Variants in CELF4 observed in about 807,000 individuals in gnomAD.
CELF4 encodes CUG-BP- and ETR-3-like factor 4.
CELF4 carries 18 observed loss-of-function variants against 59.9 expected under a neutral mutation model. The observed-to-expected ratio is 0.30, with a 90% CI of 0.21 to 0.45. The LOEUF (loss-of-function observed/expected upper bound fraction) is 0.45. Among genes scored for constraint, CELF4 ranks in the 20% least tolerant of loss-of-function variants. The pLI, the probability that CELF4 is intolerant of heterozygous loss-of-function variation, is 1.00. For missense variants in CELF4, 456 were observed against 689.0 expected, an observed-to-expected ratio of 0.66 and a Z score of 3.79; for synonymous variants, 261 against 267.1, an observed-to-expected ratio of 0.98 and a Z score of 0.22.
chr18:37,476,989 G>A (rs567435201), intron 2 of CELF4, among the ~76,000 whole-genome samples: 19 of 152,210 alleles, frequency 1.2e-4, no homozygotes, highest in Non-Finnish European at 2.5e-4. Context: ...ATGCACCCCC[G>A]CAGGGTGAGC....
chr18:37,294,625 C>T (rs1378217643), intron 3 of CELF4, among the ~76,000 whole-genome samples: 5 of 152,312 alleles, frequency 3.3e-5, no homozygotes, highest in African/African-American at 7.2e-5. Context: ...TCTTCAAGAT[C>T]GCCAGCCTGC....
At chr18:37,364,931 G>A (rs909908818) in intron 2 of CELF4, among the ~76,000 whole-genome samples, 12 of 152,170 alleles carry the variant, frequency 7.9e-5, no homozygotes, top group South Asian at 2.1e-4. Flanking sequence ...AGAGGAGGTA[G>A]GAGAGACGGA....
At chr18:37,401,006 C>A (rs1003362634) in intron 2 of CELF4, among the ~76,000 whole-genome samples, 3 of 152,130 alleles carry the variant, frequency 2.0e-5, no homozygotes, top group African/African-American at 7.2e-5. Context: ...CTGGCAGGGG[C>A]CCTGGGGGCT....
chr18:37,541,981 G>A (rs558515924), intron 1 of CELF4, among the ~76,000 whole-genome samples: 1 of 152,128 alleles, frequency 6.6e-6, no homozygotes, highest in South Asian at 2.1e-4. Flanking sequence ...TGAGCTCCAG[G>A]AGATCCAGAG....
chr18:37,432,594 C>T (rs977178004), intron 2 of CELF4, among the ~76,000 whole-genome samples: 59 of 152,282 alleles, frequency 3.9e-4, no homozygotes, highest in African/African-American at 7.7e-4. Context: ...ATGAAAGATG[C>T]GCAGGAGAAT....
intron 6 of CELF4, chr18:37,274,013 T>C: frequency 8.1e-7 from 1 of 1,230,308 alleles, no homozygotes. Flanking sequence ...TCAACGTTGA[T>C]CTGGCTGAGA....
intron 3 of CELF4, among the ~76,000 whole-genome samples, chr18:37,290,285 G>C (rs1251117296): frequency 6.6e-6 from 1 of 152,208 alleles, no homozygotes; most frequent in African/African-American, 2.4e-5. Flanking sequence ...TCTGCTGGCT[G>C]CATCAGAAAG....
At chr18:37,311,556 G>A (rs2096647679) in intron 3 of CELF4, among the ~76,000 whole-genome samples, 1 of 152,214 alleles carries the variant, frequency 6.6e-6, no homozygotes, top group Admixed American at 6.5e-5. Context: ...TTGGGAGGCT[G>A]AGGCGGGTGG....
chr18:37,421,918 A>C (rs2099580763), intron 2 of CELF4, among the ~76,000 whole-genome samples: 1 of 152,250 alleles, frequency 6.6e-6, no homozygotes, highest in African/African-American at 2.4e-5. Context: ...CTGGTCACCC[A>C]CGCGGTGTCT....
Position 37,320,731 on chromosome 18 carries a change from G to A in CELF4, c.448+1072C>T, listed in dbSNP as rs530337525. Among the ~76,000 whole-genome samples the A allele has an allele frequency of 2.6e-5, 4 of 152,320 alleles. No individual in the cohort carries two copies. The South Asian group carries it at 8.3e-4, about 32-fold the overall frequency. ...CAGGGCCCAGAGGGGATGAGGCTCA[G>A]TGTGAGTGCCGGGGACTAGTGATCA... is the stretch of plus-strand genomic sequence containing the variant. On this transcript the variant is annotated intron_variant, in intron 3 of 12. Coordinates refer to ENST00000420428, the MANE Select transcript of CELF4 (RefSeq NM_020180.4).
rs150676341 is a variant in CELF4 at position 37,337,378 on chromosome 18, C to A, written c.370-15497G>T. ...GATGGCCTGGCCTCAATACTGCCCA[C>A]CTTTAGCACAGCTCCTGTGTCCCCA... On this transcript the variant is annotated intron_variant, in intron 2 of 12. Coordinates refer to ENST00000420428, the MANE Select transcript of CELF4 (RefSeq NM_020180.4). 5.2e-3 allele frequency among the ~76,000 whole-genome samples: 790 copies of A among 152,320 alleles called. 9 individuals are homozygous for A. Among genetic ancestry groups the A allele is most frequent in the African/African-American group, 0.018 (768 of 41,572 alleles).
chr18:37,381,174 C>T (rs1282217308), intron 2 of CELF4, among the ~76,000 whole-genome samples: 1 of 152,156 alleles, frequency 6.6e-6, no homozygotes, highest in Non-Finnish European at 1.5e-5. Flanking sequence ...TTCATCCACT[C>T]AACAATAAGT....
Position 37,246,765 on chromosome 18 carries a change from AT to A in CELF4, c.*45-1569del, listed in dbSNP as rs1221158611. On this transcript the variant is annotated intron_variant, in intron 12 of 12. Transcript: ENST00000420428. This position sits in a 1 kb window ranked among gnomAD's most constrained non-coding sequence, Gnocchi z 5.3. ...TAGATATTTTTAAGATGTTTTCCTT[AT>A]TTTTAAGAAAAAAATAATGGTTTGC... 2.0e-5 allele frequency: 3 copies of A among 152,276 alleles called. No homozygotes were observed. The highest frequency in any genetic ancestry group is 4.4e-5 in the Non-Finnish European group (3 of 68,006). 9.4% of individuals were successfully genotyped at this position (152,276 alleles called of 1,614,324 possible).
chr18:37,345,945 C>A (rs2098241061), intron 2 of CELF4, among the ~76,000 whole-genome samples: 1 of 152,038 alleles, frequency 6.6e-6, no homozygotes, highest in African/African-American at 2.4e-5. Flanking sequence ...CCGGAGCCCC[C>A]AGGAGTTCTG....
intron 1 of CELF4, among the ~76,000 whole-genome samples, chr18:37,545,258 G>A (rs1366768684): frequency 2.6e-5 from 4 of 152,174 alleles, no homozygotes; most frequent in East Asian, 1.9e-4. Flanking sequence ...CCAGATGAGC[G>A]AATGGGTAAC....
intron 1 of CELF4, among the ~76,000 whole-genome samples, chr18:37,550,096 T>A (rs1196199714): frequency 2.2e-5 from 2 of 92,224 alleles, no homozygotes; most frequent in South Asian, 4.4e-4. Context: ...GGGGGGGGGA[T>A]CCGTGGGAAG....
At chr18:37,353,233 A>AATATATATATATATATATATATAT (rs1557327923) in intron 2 of CELF4, among the ~76,000 whole-genome samples, 1 of 106,974 alleles carries the variant, frequency 9.3e-6, no homozygotes, top group East Asian at 2.8e-4. Flanking sequence ...AAAAAAAAAA[A>AATATATATATATATATATATATAT]ATATATATAT....
chr18:37,331,509 T>C (rs1188786880), intron 2 of CELF4, among the ~76,000 whole-genome samples: 1 of 152,100 alleles, frequency 6.6e-6, no homozygotes, highest in Non-Finnish European at 1.5e-5. Flanking sequence ...AGGCTGGACT[T>C]GGACATGCTG....
chr18:37,345,601 A>G (rs2098226029), intron 2 of CELF4, among the ~76,000 whole-genome samples: 1 of 152,118 alleles, frequency 6.6e-6, no homozygotes, highest in Non-Finnish European at 1.5e-5. Flanking sequence ...CTATGGGTGG[A>G]GTGGCAGCCT....
Sources: gnomAD v4.1 joint callset for allele counts (sites outside exome capture counted in the v4.1 genomes callset) on GRCh38, gnomAD v4.1.1 for gene constraint, Gnocchi (gnomAD v3.1) non-coding constraint, MANE v1.5 for transcripts, NCBI Gene and HGNC (gene_info 2026-07-23, HGNC 2026-07-21) for gene names.